The following PRKCZ variants were observed in gnomAD, a reference collection of about 807,000 sequenced individuals.
PRKCZ encodes protein kinase C zeta, also known as protein kinase C zeta type.
In PRKCZ, 33 loss-of-function variants were observed where a neutral mutation model predicts 79.5. The observed-to-expected ratio is 0.41, with a 90% CI of 0.31 to 0.55. The LOEUF (loss-of-function observed/expected upper bound fraction) is 0.55, where lower values mean the gene tolerates loss of function less well. PRKCZ is among the 20% of genes least tolerant of loss of function. PRKCZ has a pLI of 0.19. For missense variants in PRKCZ, 578 were observed against 813.5 expected (o/e 0.71, Z 3.52); for synonymous variants, 342 against 320.9 (o/e 1.07, Z -0.70).
chr1:2,061,272 C>T (rs1157113460), intron 4 of PRKCZ, among the ~76,000 whole-genome samples: 7 of 152,320 alleles, frequency 4.6e-5, no homozygotes, highest in African/African-American at 1.7e-4. Context: ...CTTGTCTCAA[C>T]CCTGCCTGGG....
chr1:2,172,435 A>G lies in PRKCZ; in HGVS notation c.1285+47A>G, dbSNP rs936090030. The G allele has an allele frequency of 1.3e-6, 2 of 1,571,866 alleles. No individual in the cohort carries two copies. Among genetic ancestry groups the G allele is most frequent in the South Asian group, 1.2e-5 (1 of 86,210 alleles). On this transcript the variant is annotated intron_variant, in intron 13 of 17. Transcript: ENST00000378567. The surrounding 1 kb of genome is among the most constrained non-coding windows in gnomAD (Gnocchi z 7.8). ...CCTCTCGGAGCACACAGGGCCAGAG[A>G]TGGCTTCGGGCCTGGCCCAGCAGCC... is the stretch of plus-strand genomic sequence containing the variant.
intron 4 of PRKCZ, among the ~76,000 whole-genome samples, chr1:2,126,635 G>T (rs1160870872): frequency 6.6e-6 from 1 of 152,204 alleles, no homozygotes; most frequent in East Asian, 1.9e-4. Flanking sequence ...TGGGGCATCA[G>T]AGCCACCCAT....
chr1:2,117,856 A>G (rs1190747025), intron 4 of PRKCZ, among the ~76,000 whole-genome samples: 1 of 151,932 alleles, frequency 6.6e-6, no homozygotes, highest in Non-Finnish European at 1.5e-5. Context: ...TTGGCTCTTA[A>G]TGGTAGACCG....
intron 4 of PRKCZ, among the ~76,000 whole-genome samples, chr1:2,064,334 G>GA (rs1362258786): frequency 6.6e-6 from 1 of 152,136 alleles, no homozygotes; most frequent in Non-Finnish European, 1.5e-5. Flanking sequence ...TTACTTTGTT[G>GA]ATAGTGCCTT....
intron 4 of PRKCZ, among the ~76,000 whole-genome samples, chr1:2,106,676 C>G (rs550821887): frequency 1.8e-5 from 2 of 108,162 alleles, no homozygotes; most frequent in African/African-American, 8.5e-5. Context: ...GTCACCAGGC[C>G]AGGTAACTCT....
chr1:2,157,338 A>G (rs1473078322), intron 10 of PRKCZ, among the ~76,000 whole-genome samples: 1 of 151,678 alleles, frequency 6.6e-6, no homozygotes, highest in Non-Finnish European at 1.5e-5. Context: ...ATTCACCATC[A>G]CGAGCATAAG....
chr1:2,122,735 T>C (rs1212372983), intron 4 of PRKCZ, among the ~76,000 whole-genome samples: 2 of 10,756 alleles, frequency 1.9e-4, no homozygotes, highest in Non-Finnish European at 2.9e-4. Flanking sequence ...GTCGTGGTGG[T>C]TAGGGTCGTG....
Position 2,174,721 on chromosome 1 carries a change from C to G in PRKCZ, c.1406-33C>G, listed in dbSNP as rs371589973. 4 of 1,601,444 alleles carry G rather than the reference C, an allele frequency of 2.5e-6. No individual in the cohort carries two copies. Among genetic ancestry groups the G allele is most frequent in the Admixed American group, 3.3e-5 (2 of 59,926 alleles). On this transcript the variant is annotated intron_variant, in intron 14 of 17. Coordinates refer to ENST00000378567, the MANE Select transcript of PRKCZ (RefSeq NM_002744.6). The surrounding 1 kb of genome is among the most constrained non-coding windows in gnomAD (Gnocchi z 6.2). ...GGCACTGGGCAAATGGCACACAACA[C>G]AGGCAAGTCCTCACCAGGCTCCGCC...
At position 2,125,978 on chromosome 1, in the gene PRKCZ, C is replaced by T. The variant is rs540380536; in HGVS notation, c.335-9284C>T. Among the ~76,000 whole-genome samples the T allele has an allele frequency of 2.6e-4, 40 of 152,266 alleles. No individual in the cohort carries two copies. The highest frequency in any genetic ancestry group is 4.3e-4 in the Non-Finnish European group (29 of 68,012). On this transcript the variant is annotated intron_variant, in intron 4 of 17. Transcript: ENST00000378567. This position sits in a 1 kb window ranked among gnomAD's most constrained non-coding sequence, Gnocchi z 4.2. ...GGAGAGAGTCGGGCAGCTGAATTCC[C>T]GCAGGTGGGAATGCCAGGGCCCGAG...
At position 2,150,793 on chromosome 1, in the gene PRKCZ, C is replaced by T; in HGVS notation, c.691C>T (p.Leu231Phe). The T allele has an allele frequency of 6.2e-7, 1 of 1,613,840 alleles. No individual in the cohort carries two copies. Among genetic ancestry groups the T allele is most frequent in the Non-Finnish European group, 8.5e-7 (1 of 1,179,828 alleles). The change falls in exon 9 of 18, where the codon CTT (leucine) becomes TTT (phenylalanine). Residue 231 changes from leucine (L) to phenylalanine (F), a missense_variant. Leu to Phe is a conservative substitution (Grantham distance 22). Transcript: ENST00000378567. The part of the protein sequence containing the change: ...HDSIKDDSED[L>F]KPVIDGMDGI... ...GGGTCTTGTTCTCCCTCCCTAGGAC[C>T]TTAAGCCAGTTATCGATGGGATGGA...
chr1:2,150,124 T>C (rs1271160305), intron 8 of PRKCZ, among the ~76,000 whole-genome samples: 2 of 138,950 alleles, frequency 1.4e-5, no homozygotes, highest in African/African-American at 2.8e-5. Context: ...ATCGTGCCAC[T>C]GCACTCCAGC....
intron 16 of PRKCZ, among the ~76,000 whole-genome samples, chr1:2,183,033 C>T (rs751630894): frequency 6.6e-6 from 1 of 152,128 alleles, no homozygotes; most frequent in Non-Finnish European, 1.5e-5. Context: ...CGGGAGCAGC[C>T]TGGTCAACAT....
chr1:2,161,683 C>T (rs1420649323), intron 10 of PRKCZ, among the ~76,000 whole-genome samples: 2 of 152,122 alleles, frequency 1.3e-5, no homozygotes, highest in African/African-American at 2.4e-5. Context: ...ACGTTAGGAC[C>T]GGGGGACCTC....
chr1:2,057,597 G>A (rs1660287473), intron 3 of PRKCZ, among the ~76,000 whole-genome samples: 1 of 152,164 alleles, frequency 6.6e-6, no homozygotes, highest in Non-Finnish European at 1.5e-5. Flanking sequence ...CGGGTGCGGT[G>A]GCTCACAACT....
chr1:2,173,586 A>C lies in PRKCZ; in HGVS notation c.1286-311A>C, dbSNP rs781613712. Among the ~76,000 whole-genome samples, 1 of 152,212 alleles carries C rather than the reference A, an allele frequency of 6.6e-6. No homozygotes were observed. The highest frequency in any genetic ancestry group is 1.5e-5 in the Non-Finnish European group (1 of 68,040). On this transcript the variant is annotated intron_variant, in intron 13 of 17. Transcript: ENST00000378567. This position sits in a 1 kb window ranked among gnomAD's most constrained non-coding sequence, Gnocchi z 5.7. ...GCTTAGTTCTGTAGAAGCAGAAACGAGAGAGGAGGGTCGTCCGCAGGTTCC... is the reference window on the plus strand; with the variant it reads ...GCTTAGTTCTGTAGAAGCAGAAACGCGAGAGGAGGGTCGTCCGCAGGTTCC...
chr1:2,102,499 A>G (rs867514484), intron 4 of PRKCZ, among the ~76,000 whole-genome samples: 6 of 151,408 alleles, frequency 4.0e-5, no homozygotes, highest in Admixed American at 3.9e-4. Flanking sequence ...CGTCCCGCTA[A>G]TTTTTTGTAT....
chr1:2,130,643 T>C (rs114127215), intron 4 of PRKCZ, among the ~76,000 whole-genome samples: 1,689 of 152,132 alleles, frequency 0.011, 32 homozygotes, highest in African/African-American at 0.036. Context: ...GCCGCAGCAC[T>C]GCTGCTTAGG....
chr1:2,098,298 A>G (rs1283735137), intron 4 of PRKCZ: 1 of 152,280 alleles, frequency 6.6e-6, no homozygotes, highest in Admixed American at 6.5e-5. Context: ...ATTATACTTA[A>G]CAATTTACAG....
At chr1:2,101,940 G>A (rs1667513005) in intron 4 of PRKCZ, among the ~76,000 whole-genome samples, 1 of 152,212 alleles carries the variant, frequency 6.6e-6, no homozygotes, top group Admixed American at 6.5e-5. Flanking sequence ...TAGGAGCCAG[G>A]CATGGTAATG....
Sources: allele counts gnomAD v4.1 joint callset (sites outside exome capture counted in the v4.1 genomes callset), GRCh38; gene constraint gnomAD v4.1.1; non-coding constraint Gnocchi (gnomAD v3.1); transcripts MANE v1.5; gene names NCBI Gene and HGNC (gene_info 2026-07-23, HGNC 2026-07-21).